The following ANKRD26 variants were observed in gnomAD, a reference collection of about 807,000 sequenced individuals.
ANKRD26 encodes ankyrin repeat domain 26, also known as ankyrin repeat domain-containing protein 26.
In ANKRD26, 141 loss-of-function variants were observed where a neutral mutation model predicts 208.7. That is an observed-to-expected ratio of 0.68 (90% confidence interval 0.59 to 0.78). The LOEUF is 0.78. ANKRD26 is among the 30% of genes least tolerant of loss of function. ANKRD26 has a pLI of 0.00. For missense variants in ANKRD26, 1,889 were observed against 1,938.7 expected (o/e 0.97, Z 0.48); for synonymous variants, 636 against 660.4 (o/e 0.96, Z 0.57).
chr10:27,013,610 AAT>A, intron 31 of ANKRD26, among the ~76,000 whole-genome samples: 1 of 152,246 alleles, frequency 6.6e-6, no homozygotes, highest in South Asian at 2.1e-4. Flanking sequence ...CCCAGCTAAA[AAT>A]ACTTGTATTT....
downstream of ANKRD26, among the ~76,000 whole-genome samples, chr10:26,970,108 C>T (rs2052122205): frequency 1.3e-5 from 2 of 152,238 alleles, no homozygotes; most frequent in South Asian, 4.2e-4. Context: ...AGGTGTGAGC[C>T]ACTTCGCCCG....
rs773894063 is a variant in ANKRD26, at chr10:27,035,252, T to C, written c.3198A>G (p.Leu1066=). The C allele has an allele frequency of 6.2e-7, 1 of 1,614,032 alleles. No homozygotes were observed. The highest frequency in any genetic ancestry group is 1.1e-5 in the South Asian group (1 of 91,072). Residue 1066 remains leucine (L), a synonymous_variant, in exon 24 of 34, where the codon CTA becomes CTG. Coordinates refer to ENST00000376087, the MANE Select transcript of ANKRD26 (RefSeq NM_014915.3). Reference sequence around the variant, plus strand: ...TATTGAGTTTACTTTCAGTTTTAAATAGTTGTTGAGAAAGAATCTCATTGT... The same window carrying C: ...TATTGAGTTTACTTTCAGTTTTAAACAGTTGTTGAGAAAGAATCTCATTGT... ...KDNNEILSQQ[L]FKTESKLNSL... is the part of the protein sequence containing the mutation.
chr10:27,035,121 TC>T lies in ANKRD26; in HGVS notation c.3328del (p.Glu1110LysfsTer13), dbSNP rs1320266484. 3.7e-6 allele frequency: 6 copies of T among 1,612,942 alleles called. No homozygotes were observed. Among genetic ancestry groups the T allele is most frequent in the Non-Finnish European group, 5.1e-6 (6 of 1,179,538 alleles). ...DLSQTQCQMK[E>X]MEQKYQNEQV... ...TTCATTTTGATACTTTTGTTCCATT[TC>T]CTTCATTTGACACTGTGTTTGGCTT... On this transcript the variant is annotated frameshift_variant, in exon 24 of 34. Transcript: ENST00000376087. LOFTEE classifies it high-confidence loss of function.
intron 29 of ANKRD26, among the ~76,000 whole-genome samples, chr10:27,021,981 A>T (rs763279772): frequency 1.3e-5 from 2 of 152,096 alleles, no homozygotes; most frequent in Non-Finnish European, 1.5e-5. Flanking sequence ...ATTTTCTCCC[A>T]TTCTGTAGGT....
intron 1 of ANKRD26, among the ~76,000 whole-genome samples, chr10:27,097,272 G>A (rs899964924): frequency 1.3e-5 from 2 of 150,818 alleles, no homozygotes; most frequent in Non-Finnish European, 2.9e-5. Flanking sequence ...TCAGGAGATC[G>A]AGACCACCCT....
intron 5 of ANKRD26, among the ~76,000 whole-genome samples, chr10:26,976,088 T>C (rs1277114655): frequency 6.6e-6 from 1 of 152,136 alleles, no homozygotes; most frequent in African/African-American, 2.4e-5. Context: ...AAATAAAATC[T>C]CTTTCTTCGA....
At position 27,080,801 on chromosome 10, in the gene ANKRD26, C is replaced by G. The variant is rs571662490; in HGVS notation, c.741-1640G>C. On this transcript the variant is annotated intron_variant, in intron 6 of 33. Coordinates refer to ENST00000376087, the MANE Select transcript of ANKRD26 (RefSeq NM_014915.3). ...AAAACAAGCTAAATGGAGTCTCTGT[C>G]ATCTGCCAGCAGCACAGGCATGTTA... is the stretch of plus-strand genomic sequence containing the variant. 13 of 985,480 alleles carry G rather than the reference C, an allele frequency of 1.3e-5. No homozygotes were observed. In the South Asian group the frequency reaches 5.2e-4, roughly 39 times the overall value. 61.0% of individuals were successfully genotyped at this position (985,480 alleles called of 1,614,324 possible). A position where few individuals can be genotyped will look rare whatever the true frequency, so the allele number is the denominator to read the frequency against.
the ANKRD26 span, among the ~76,000 whole-genome samples, chr10:26,949,017 C>T: frequency 6.6e-6 from 1 of 152,040 alleles, no homozygotes; most frequent in Admixed American, 6.6e-5. Flanking sequence ...TTATTAAATA[C>T]TGATCTAGTA....
chr10:27,005,989 A>T (rs1217877075), intron 33 of ANKRD26, among the ~76,000 whole-genome samples: 1 of 152,204 alleles, frequency 6.6e-6, no homozygotes, highest in African/African-American at 2.4e-5. Context: ...TAAGCACTAG[A>T]ATTACAAGAT....
intron 30 of ANKRD26, 119 bp downstream of exon 30, chr10:27,017,383 C>A (rs1226748099): frequency 1.3e-5 from 13 of 1,003,662 alleles, no homozygotes; most frequent in Non-Finnish European, 1.8e-5. Flanking sequence ...ATGCCATCAT[C>A]CTTCTAGAAA....
At chr10:26,997,396 T>C (rs1014836718) in intron 4 of ANKRD26, among the ~76,000 whole-genome samples, 4 of 152,180 alleles carry the variant, frequency 2.6e-5, no homozygotes, top group Admixed American at 2.6e-4. Context: ...TTTGTCAAGG[T>C]AGAATACTAG....
chr10:27,066,288 C>T, intron 11 of ANKRD26, 199 bp downstream of exon 11: 3 of 375,338 alleles, frequency 8.0e-6, no homozygotes, highest in African/African-American at 2.1e-5. Flanking sequence ...TTAAATGAAT[C>T]CTGCAAATTA....
the ANKRD26 span, among the ~76,000 whole-genome samples, chr10:26,954,927 G>A: frequency 6.7e-6 from 1 of 149,106 alleles, no homozygotes; most frequent in East Asian, 1.9e-4. Flanking sequence ...TATCAAATGC[G>A]GGATCTATAG....
At chr10:27,081,242 A>G (rs1311002013) in intron 6 of ANKRD26, among the ~76,000 whole-genome samples, 1 of 152,138 alleles carries the variant, frequency 6.6e-6, no homozygotes, top group African/African-American at 2.4e-5. Flanking sequence ...TGTATCCTTC[A>G]TTCCAGTAAT....
In ANKRD26 at chr10:27,093,781, G is replaced by A. The variant is rs755986049; in HGVS notation, c.261C>T (p.Ala87=). The change falls in exon 2 of 34, where the codon GCC becomes GCT. Residue 87 remains alanine, a synonymous_variant. Transcript: ENST00000376087. Reference sequence around the variant, plus strand: ...CTACTTCTGGATGACCATTGGCACAGGCCAAATGTAGAGCCGTCCTATGAG... The same window carrying A: ...CTACTTCTGGATGACCATTGGCACAAGCCAAATGTAGAGCCGTCCTATGAG... ...DKMNRTALHL[A]CANGHPEVVT... The A allele has an allele frequency of 4.3e-6, 7 of 1,614,042 alleles. No homozygotes were observed. The South Asian group carries it at 5.5e-5, about 13-fold the overall frequency.
chr10:27,077,343 T>G lies in ANKRD26; in HGVS notation c.1072A>C (p.Met358Leu). 1 of 1,613,026 alleles carries G rather than the reference T, an allele frequency of 6.2e-7. No individual in the cohort carries two copies. Among genetic ancestry groups the G allele is most frequent in the Non-Finnish European group, 8.5e-7 (1 of 1,179,052 alleles). The change falls in exon 9 of 34, where the codon ATG becomes CTG. Residue 358 changes from methionine (M) to leucine (L), a missense_variant. Met to Leu is a conservative substitution (Grantham distance 15, BLOSUM62 2). Coordinates refer to ENST00000376087, the MANE Select transcript of ANKRD26 (RefSeq NM_014915.3). ...SHKSLANPGL[M>L]KEEPTKPGIA... ...TTTTTTAAAAAACAACTTACCTTCA[T>G]AAGACCAGGGTTTGCTAACGACTTG... is the stretch of plus-strand genomic sequence containing the variant.
intron 5 of ANKRD26, among the ~76,000 whole-genome samples, chr10:26,977,316 A>C (rs767059539): frequency 1.2e-4 from 18 of 152,184 alleles, no homozygotes; most frequent in Non-Finnish European, 2.6e-4. Context: ...ACATGTCTAA[A>C]ATTGTATTAA....
chr10:26,950,228 T>C, the ANKRD26 span, among the ~76,000 whole-genome samples: 1 of 152,112 alleles, frequency 6.6e-6, no homozygotes, highest in African/African-American at 2.4e-5. Flanking sequence ...TCATGACATA[T>C]GGTAGTTTAA....
intron 17 of ANKRD26, among the ~76,000 whole-genome samples, chr10:27,048,387 T>C (rs1333302608): frequency 2.6e-5 from 4 of 152,184 alleles, no homozygotes; most frequent in Non-Finnish European, 1.5e-5. Context: ...ACATAATATA[T>C]AATAAATGTC....
Sources: gnomAD v4.1 joint callset for allele counts (sites outside exome capture counted in the v4.1 genomes callset) on GRCh38, gnomAD v4.1.1 for gene constraint, MANE v1.5 for transcripts, NCBI Gene and HGNC (gene_info 2026-07-23, HGNC 2026-07-21) for gene names.